Variants in CEP192 observed in about 807,000 individuals in gnomAD.
CEP192 encodes the protein centrosomal protein of 192 kDa.
CEP192 carries 151 observed loss-of-function variants against 271.8 expected under a neutral mutation model. The ratio of observed to expected loss-of-function variants is 0.56; its 90% CI spans 0.49 to 0.64. The LOEUF (loss-of-function observed/expected upper bound fraction) is 0.64. Among genes scored for constraint, CEP192 ranks in the 30% least tolerant of loss-of-function variants. CEP192 has a pLI of 0.00. For missense variants in CEP192, 2,910 were observed against 3,020.5 expected (o/e 0.96, Z 0.86); for synonymous variants, 995 against 1,076.5 (o/e 0.92, Z 1.48).
chr18:13,115,220 CT>C (rs1411844067), intron 42 of CEP192, among the ~76,000 whole-genome samples: 2 of 152,236 alleles, frequency 1.3e-5, no homozygotes, highest in African/African-American at 4.8e-5. Flanking sequence ...CCACAGCTCC[CT>C]TCTGGAGACA....
intron 5 of CEP192, among the ~76,000 whole-genome samples, 187 bp from the exon 6 acceptor site, chr18:13,015,141 G>C (rs1336145886): frequency 6.6e-6 from 1 of 152,170 alleles, no homozygotes; most frequent in African/African-American, 2.4e-5. Context: ...AGGTGAGGGA[G>C]GTGGCGTGGG....
chr18:13,113,403 A>G (rs532419562), intron 40 of CEP192, among the ~76,000 whole-genome samples, 183 bp from the exon 41 acceptor site: 1 of 152,336 alleles, frequency 6.6e-6, no homozygotes, highest in East Asian at 1.9e-4. Context: ...TGTGTTTTGG[A>G]TCTGGTATAG....
intron 3 of CEP192, among the ~76,000 whole-genome samples, chr18:13,002,739 TA>T (rs1467739080): frequency 6.6e-6 from 1 of 152,206 alleles, no homozygotes; most frequent in Non-Finnish European, 1.5e-5. Context: ...TCTGGAAGTC[TA>T]AAAAACCAAA....
At chr18:13,027,333 CATT>C (rs879331558) in intron 9 of CEP192, among the ~76,000 whole-genome samples, 14 of 152,134 alleles carry the variant, frequency 9.2e-5, no homozygotes, top group Non-Finnish European at 1.9e-4. Flanking sequence ...GATTTTTCTC[CATT>C]ATTTGCTGTG....
rs375141285 is a variant in CEP192 at position 13,086,578 on chromosome 18, G to A, written c.5617-439G>A. On this transcript the variant is annotated intron_variant, in intron 30 of 44. Coordinates refer to ENST00000506447, the MANE Select transcript of CEP192 (RefSeq NM_032142.4). ...TCAGTTGGAAATGCAGAAATCACCC[G>A]CCTTCAGTATTGATCTCGCTAGGAG... Among the ~76,000 whole-genome samples, 342 of 152,230 alleles carry A rather than the reference G, an allele frequency of 2.2e-3. 2 individuals are homozygous for A. The highest frequency in any genetic ancestry group is 7.8e-3 in the African/African-American group (322 of 41,536).
chr18:13,045,973 T>C (rs1442517823), intron 15 of CEP192, among the ~76,000 whole-genome samples: 1 of 152,234 alleles, frequency 6.6e-6, no homozygotes, highest in Non-Finnish European at 1.5e-5. Context: ...TGGATTTTGC[T>C]TTTCAACCAG....
rs1040299757 is a variant in CEP192, at chr18:13,042,434, A to G, written c.2067+100A>G. 42 of 1,230,956 alleles carry G rather than the reference A, an allele frequency of 3.4e-5. No individual in the cohort carries two copies. In the Admixed American group the frequency reaches 9.0e-4, roughly 26 times the overall value. 76.3% of individuals were successfully genotyped at this position (1,230,956 alleles called of 1,614,324 possible). ...CTGTGAAAAATTTATGCCGTTTAAC[A>G]TCTTTTCTTTCCTGGCTTCAGATTT... On this transcript the variant is annotated intron_variant, in intron 15 of 44. Coordinates refer to ENST00000506447, the MANE Select transcript of CEP192 (RefSeq NM_032142.4).
Position 13,095,517 on chromosome 18 carries a change from C to T in CEP192, c.6269C>T (p.Ser2090Phe). 1 of 1,608,988 alleles carries T rather than the reference C, an allele frequency of 6.2e-7. No individual in the cohort carries two copies. Among genetic ancestry groups the T allele is most frequent in the Non-Finnish European group, 8.5e-7 (1 of 1,178,288 alleles). ...SLESTSDLGA[S>F]GKHGGNVSLD... The stretch of plus-strand genomic sequence containing the variant: ...TAATTTTTTAGCGACTTGGGAGCTT[C>T]TGGGAAACATGGTGGCAACGTCTCT... Residue 2090 changes from serine to phenylalanine, a missense_variant, in exon 35 of 45, where the codon TCT (serine) becomes TTT (phenylalanine). By Grantham distance (155) the Ser-to-Phe change is radical (BLOSUM62 -2). Transcript: ENST00000506447.
intron 24 of CEP192, among the ~76,000 whole-genome samples, chr18:13,068,637 ATTTTC>A (rs1168043221): frequency 6.6e-6 from 1 of 151,964 alleles, no homozygotes; most frequent in Non-Finnish European, 1.5e-5. Context: ...CTTTTAGAAT[ATTTTC>A]TGTTAATTGA....
chr18:12,995,681 G>A (rs1454139063), intron 1 of CEP192, among the ~76,000 whole-genome samples: 1 of 152,216 alleles, frequency 6.6e-6, no homozygotes, highest in Non-Finnish European at 1.5e-5. Flanking sequence ...GCAGGTGGTG[G>A]TCAGTACTAT....
chr18:13,110,242 TAG>T (rs2040148123), intron 40 of CEP192, among the ~76,000 whole-genome samples: 1 of 152,240 alleles, frequency 6.6e-6, no homozygotes, highest in Non-Finnish European at 1.5e-5. Flanking sequence ...GAAATTTATA[TAG>T]ATATACAAGA....
Position 13,114,279 on chromosome 18 carries a change from T to C in CEP192, c.7289+28T>C, listed in dbSNP as rs192046588. 5.0e-6 allele frequency: 8 copies of C among 1,607,008 alleles called. No homozygotes were observed. In the Admixed American group the frequency reaches 1.2e-4, roughly 24 times the overall value. On this transcript the variant is annotated intron_variant, in intron 42 of 44. Transcript: ENST00000506447. ...ATGTTGTTTTTGTCATTCTTATGAG[T>C]TTTTTCCCAGTACTTTATTGAGGAA...
At chr18:13,004,536 G>T (rs921041384) in intron 3 of CEP192, among the ~76,000 whole-genome samples, 1 of 152,146 alleles carries the variant, frequency 6.6e-6, no homozygotes, top group Non-Finnish European at 1.5e-5. Flanking sequence ...GGTGCATGTA[G>T]TGGTAAGAAT....
rs1427176859 is a variant in CEP192, at chr18:13,096,189, A to G, written c.6439A>G (p.Met2147Val). 6 of 1,613,716 alleles carry G rather than the reference A, an allele frequency of 3.7e-6. No individual in the cohort carries two copies. The highest frequency in any genetic ancestry group is 1.3e-5 in the African/African-American group (1 of 74,936). Residue 2147 changes from methionine to valine, a missense_variant, in exon 36 of 45, where the codon ATG (methionine) becomes GTG (valine). By Grantham distance (21) the Met-to-Val change is conservative (BLOSUM62 1). Transcript: ENST00000506447. ...LILVAPSPCD[M>V]AKTGRFQIVN... ...TTATGTATCTGACAAAATAGGTGAC[A>G]TGGCAAAAACTGGACGTTTCCAGAT...
intron 3 of CEP192, among the ~76,000 whole-genome samples, chr18:13,003,225 G>C (rs7230435): frequency 0.37 from 56,167 of 151,886 alleles, 10,618 homozygotes; most frequent in Middle Eastern, 0.48. Flanking sequence ...AAGGCAGGTA[G>C]ATCGCCTGAG....
intron 28 of CEP192, among the ~76,000 whole-genome samples, chr18:13,072,315 G>GT (rs761872125): frequency 2.6e-5 from 4 of 152,160 alleles, no homozygotes; most frequent in Non-Finnish European, 5.9e-5. Context: ...TCAATATACT[G>GT]TGTAAAAGAC....
chr18:12,992,815 T>G (rs2032958239), intron 1 of CEP192, among the ~76,000 whole-genome samples: 1 of 152,200 alleles, frequency 6.6e-6, no homozygotes, highest in Non-Finnish European at 1.5e-5. Flanking sequence ...TGAGGGGAGC[T>G]GCCTTATTTA....
At chr18:13,058,807 C>T (rs1415664827) in intron 20 of CEP192, 5 of 423,068 alleles carry the variant, frequency 1.2e-5, no homozygotes, top group South Asian at 2.4e-5. Flanking sequence ...TTGTCAGTGT[C>T]CTTTTTAAGA....
chr18:13,063,197 A>C (rs193068310), intron 21 of CEP192, among the ~76,000 whole-genome samples: 1 of 152,280 alleles, frequency 6.6e-6, no homozygotes, highest in East Asian at 1.9e-4. Context: ...ATATCTCTTT[A>C]ATATACTGAT....
Sources: allele counts gnomAD v4.1 joint callset (sites outside exome capture counted in the v4.1 genomes callset), GRCh38; gene constraint gnomAD v4.1.1; transcripts MANE v1.5; gene names NCBI Gene and HGNC (gene_info 2026-07-23, HGNC 2026-07-21).